Variants in MMP16 observed in about 807,000 individuals in gnomAD.
The protein encoded by MMP16 is matrix metallopeptidase 16.
MMP16 carries 12 observed loss-of-function variants against 67.8 expected under a neutral mutation model. The ratio of observed to expected loss-of-function variants is 0.18; its 90% CI spans 0.11 to 0.29. The LOEUF is 0.29. Ranked by LOEUF, MMP16 falls within the 10% of genes least tolerant of loss-of-function variation. The probability of loss-of-function intolerance (pLI) is 1.00; values close to 1 mark genes in which losing one functional copy is unlikely to be tolerated. For missense variants in MMP16, 475 were observed against 765.7 expected (o/e 0.62, Z 4.48); for synonymous variants, 249 against 255.9 (o/e 0.97, Z 0.26).
chr8:88,270,878 C>T (rs561265380), intron 1 of MMP16, among the ~76,000 whole-genome samples: 1 of 152,210 alleles, frequency 6.6e-6, no homozygotes, highest in South Asian at 2.1e-4. Context: ...TTACTTTAAT[C>T]GCAACCCAAA....
intron 1 of MMP16, among the ~76,000 whole-genome samples, chr8:88,289,036 G>A (rs1252136514): frequency 2.6e-5 from 4 of 152,248 alleles, no homozygotes; most frequent in Admixed American, 2.0e-4. Flanking sequence ...AGAGGTTCAC[G>A]CCAATACTTG....
intron 6 of MMP16, among the ~76,000 whole-genome samples, chr8:88,100,844 G>T (rs1450874182): frequency 1.3e-5 from 2 of 151,940 alleles, no homozygotes; most frequent in African/African-American, 4.8e-5. Flanking sequence ...GGATGAAGCT[G>T]GAAAGTATCA....
At chr8:88,118,027 G>A (rs1288337861) in intron 5 of MMP16, among the ~76,000 whole-genome samples, 1 of 152,078 alleles carries the variant, frequency 6.6e-6, no homozygotes, top group Non-Finnish European at 1.5e-5. Flanking sequence ...TAGTAAATAT[G>A]CATAATAGTC....
At chr8:88,178,602 C>T (rs1337967347) in intron 3 of MMP16, among the ~76,000 whole-genome samples, 1 of 151,996 alleles carries the variant, frequency 6.6e-6, no homozygotes, top group Non-Finnish European at 1.5e-5. Flanking sequence ...TTCTTACTCA[C>T]CTTATGTGGC....
chr8:88,143,361 C>T (rs575908982), intron 4 of MMP16, among the ~76,000 whole-genome samples: 17 of 152,194 alleles, frequency 1.1e-4, no homozygotes, highest in African/African-American at 3.8e-4. Flanking sequence ...TTCTCAAAGA[C>T]TCTTTTATTT....
chr8:88,038,659 A>C lies in MMP16; in HGVS notation c.*2802T>G, dbSNP rs1808088371. ...TTTTTCTTGACATCAAGGCCCTAAA[A>C]GGATTAAACCCTCCCACAAGCAAAC... On this transcript the variant is annotated 3_prime_UTR_variant, in exon 10 of 10. Coordinates refer to ENST00000286614, the MANE Select transcript of MMP16 (RefSeq NM_005941.5). The surrounding 1 kb of genome is among the most constrained non-coding windows in gnomAD (Gnocchi z 4.1). The C allele has an allele frequency of 6.6e-6, 1 of 152,600 alleles. No individual in the cohort carries two copies. The highest frequency in any genetic ancestry group is 2.4e-5 in the African/African-American group (1 of 41,460). The allele number at this position is 152,600 out of a possible 1,614,324, so 9.5% of individuals were successfully genotyped here.
At chr8:88,181,920 A>G (rs1428203746) in intron 3 of MMP16, among the ~76,000 whole-genome samples, 2 of 152,240 alleles carry the variant, frequency 1.3e-5, no homozygotes, top group Admixed American at 1.3e-4. Context: ...TGATCTTTTC[A>G]ACAAATGGTG....
intron 4 of MMP16, among the ~76,000 whole-genome samples, chr8:88,154,032 C>G (rs1489330934): frequency 2.7e-5 from 4 of 147,350 alleles, no homozygotes; most frequent in Non-Finnish European, 4.5e-5. Context: ...AAAAAACAAA[C>G]AACCCCATCA....
At chr8:88,248,790 T>TAAA (rs11356043) in intron 1 of MMP16, among the ~76,000 whole-genome samples, 3 of 140,034 alleles carry the variant, frequency 2.1e-5, no homozygotes, top group African/African-American at 5.5e-5. Flanking sequence ...TTGGACATAG[T>TAAA]AAAAAAAAAA....
intron 2 of MMP16, among the ~76,000 whole-genome samples, chr8:88,188,944 C>T (rs769754441): frequency 1.3e-5 from 2 of 152,178 alleles, no homozygotes; most frequent in Non-Finnish European, 2.9e-5. Flanking sequence ...CATGAGCCAC[C>T]GTGCCCGGCC....
intron 1 of MMP16, among the ~76,000 whole-genome samples, chr8:88,305,741 A>G (rs1054759853): frequency 1.1e-4 from 17 of 152,222 alleles, no homozygotes; most frequent in Admixed American, 9.2e-4. Context: ...GAAACTAAAC[A>G]GAACAAGGAG....
chr8:88,312,346 T>C (rs1363787986), intron 1 of MMP16, among the ~76,000 whole-genome samples: 1 of 152,182 alleles, frequency 6.6e-6, no homozygotes, highest in African/African-American at 2.4e-5. Context: ...CTGAAACCTA[T>C]TCTTTTCCAT....
At chr8:88,161,075 G>A (rs1808612437) in intron 4 of MMP16, among the ~76,000 whole-genome samples, 1 of 152,170 alleles carries the variant, frequency 6.6e-6, no homozygotes, top group Admixed American at 6.5e-5. Flanking sequence ...ATGAGTTAGG[G>A]AGGATTCCCT....
intron 6 of MMP16, among the ~76,000 whole-genome samples, chr8:88,107,399 A>AT (rs1449700109): frequency 6.6e-6 from 1 of 150,902 alleles, no homozygotes; most frequent in African/African-American, 2.4e-5. Context: ...GGGGAAAGTA[A>AT]TTTTTTACAA....
rs1453861930 is a variant in MMP16, at chr8:88,041,673, T to C, written c.1612A>G (p.Arg538Gly). 6.2e-7 allele frequency: 1 copy of C among 1,614,124 alleles called. No homozygotes were observed. The highest frequency in any genetic ancestry group is 8.5e-7 in the Non-Finnish European group (1 of 1,179,992). The change falls in exon 10 of 10, where the codon AGA becomes GGA. Residue 538 changes from arginine (R) to glycine (G), a missense_variant. Arg to Gly is a moderately radical substitution (Grantham distance 125, BLOSUM62 -2). This residue lies in a region of MMP16 where 80 missense variants were observed against 93.4 expected (regional missense o/e 0.86). Coordinates refer to ENST00000286614, the MANE Select transcript of MMP16 (RefSeq NM_005941.5). The surrounding 1 kb of genome is among the most constrained non-coding windows in gnomAD (Gnocchi z 6.0). ...GGTGGGCTGTGTCCTTCTTTAACTC[T>C]GTCTGTTGGTCCATCACAGCCCATA... ...DFMGCDGPTDRVKEGHSPPDD... is the reference protein window; with the variant it reads ...DFMGCDGPTDGVKEGHSPPDD...
At chr8:88,305,811 A>G (rs1439434027) in intron 1 of MMP16, among the ~76,000 whole-genome samples, 1 of 152,158 alleles carries the variant, frequency 6.6e-6, no homozygotes, top group African/African-American at 2.4e-5. Flanking sequence ...AATTTATAGC[A>G]CTAAATGCCC....
chr8:88,186,237 G>A (rs1416811069), intron 3 of MMP16: 1 of 363,266 alleles, frequency 2.8e-6, no homozygotes, highest in Non-Finnish European at 4.9e-6. Context: ...TCATAATATT[G>A]ACATTTATTC....
At chr8:88,318,684 G>A (rs1179431275) in intron 1 of MMP16, among the ~76,000 whole-genome samples, 1 of 152,086 alleles carries the variant, frequency 6.6e-6, no homozygotes, top group Middle Eastern at 3.2e-3. Context: ...CTGTGTTGCA[G>A]ATCCAACACT....
chr8:88,183,776 C>T (rs1194014166), intron 3 of MMP16, among the ~76,000 whole-genome samples: 3 of 126,434 alleles, frequency 2.4e-5, no homozygotes, highest in Non-Finnish European at 4.7e-5. Flanking sequence ...AGTGCAATGG[C>T]GCGATCTCGG....
Sources: gnomAD v4.1 joint callset for allele counts (sites outside exome capture counted in the v4.1 genomes callset) on GRCh38, gnomAD v4.1.1 for gene constraint, gnomAD v4.1.1 regional missense constraint, Gnocchi (gnomAD v3.1) non-coding constraint, MANE v1.5 for transcripts, NCBI Gene and HGNC (gene_info 2026-07-23, HGNC 2026-07-21) for gene names.